The following JAKMIP3 variants were observed in gnomAD, a reference collection of about 807,000 sequenced individuals.
JAKMIP3 encodes Janus kinase and microtubule interacting protein 3.
A neutral mutation model predicts 118.5 loss-of-function variants in JAKMIP3; 58 were observed. That is an observed-to-expected ratio of 0.49 (90% CI 0.40 to 0.61). JAKMIP3 has a LOEUF of 0.61. Among genes scored for constraint, JAKMIP3 ranks in the 20% least tolerant of loss-of-function variants. The probability of loss-of-function intolerance (pLI) is 0.00; values close to 1 mark genes in which losing one functional copy is unlikely to be tolerated. For missense variants in JAKMIP3, 950 were observed against 1,109.0 expected, an observed-to-expected ratio of 0.86 and a Z score of 2.04; for synonymous variants, 486 against 451.2, an observed-to-expected ratio of 1.08 and a Z score of -0.98.
chr10:132,042,699 T>C (rs961562441), intron 1 of JAKMIP3, among the ~76,000 whole-genome samples: 7 of 152,146 alleles, frequency 4.6e-5, no homozygotes, highest in African/African-American at 1.7e-4. Flanking sequence ...GGAGAGCCCG[T>C]CTGTTCCTTT....
chr10:132,181,573 A>C (rs1426364122), intron 23 of JAKMIP3: 1 of 152,246 alleles, frequency 6.6e-6, no homozygotes, highest in Non-Finnish European at 1.5e-5. Context: ...GATTAAAGGC[A>C]CAAAGAACAA....
chr10:132,142,477 TGCCCCG>T (rs537968587), intron 11 of JAKMIP3, among the ~76,000 whole-genome samples: 1,811 of 142,120 alleles, frequency 0.013, 24 homozygotes, highest in African/African-American at 0.024. Flanking sequence ...AGGCTGTGCC[TGCCCCG>T]GCCCCGGCCC....
chr10:132,126,574 C>A (rs940491236), intron 3 of JAKMIP3, among the ~76,000 whole-genome samples: 3 of 100,404 alleles, frequency 3.0e-5, no homozygotes, highest in African/African-American at 1.1e-4. Context: ...CAGGTGTGAG[C>A]CATTGCACTC....
At chr10:132,115,399 A>G (rs563407540) in intron 2 of JAKMIP3, among the ~76,000 whole-genome samples, 1 of 152,342 alleles carries the variant, frequency 6.6e-6, no homozygotes, top group African/African-American at 2.4e-5. Flanking sequence ...AGCGGCCCAG[A>G]GGAGGCCTCC....
At chr10:132,176,889 T>G (rs1043650127) in intron 23 of JAKMIP3, among the ~76,000 whole-genome samples, 4 of 152,084 alleles carry the variant, frequency 2.6e-5, no homozygotes, top group Admixed American at 2.6e-4. Context: ...CATTAGGAGT[T>G]GGAATCTTCG....
At chr10:132,167,086 G>C in intron 22 of JAKMIP3, 31 bp downstream of exon 22, 2 of 1,466,070 alleles carry the variant, frequency 1.4e-6, no homozygotes, top group Non-Finnish European at 1.9e-6. Flanking sequence ...GCCCAGCAGG[G>C]GTCCCGCTCT....
intron 1 of JAKMIP3, among the ~76,000 whole-genome samples, chr10:132,037,048 C>T (rs945118037): frequency 2.8e-4 from 43 of 152,196 alleles, no homozygotes; most frequent in African/African-American, 1.0e-3. Context: ...CCCGCATCTC[C>T]GTGTCTCCGA....
At position 132,183,248 on chromosome 10, in the gene JAKMIP3, G is replaced by GT. The variant is rs1338579254; in HGVS notation, c.*1996dup. The stretch of plus-strand genomic sequence containing the variant: ...CGATGCAGGCATCCAGAAATATGTT[G>GT]TAACTCTACCTGGCTCCCTGCCAGC... On this transcript the variant is annotated 3_prime_UTR_variant, in exon 24 of 24. Coordinates refer to ENST00000684848, the MANE Select transcript of JAKMIP3 (RefSeq NM_001323087.2). The GT allele has an allele frequency of 6.6e-6, 1 of 152,236 alleles. No individual in the cohort carries two copies. Among genetic ancestry groups the GT allele is most frequent in the Admixed American group, 6.5e-5 (1 of 15,274 alleles). 9.4% of individuals were successfully genotyped at this position (152,236 alleles called of 1,614,324 possible). A position where few individuals can be genotyped will look rare whatever the true frequency, so the allele number is the denominator to read the frequency against.
rs1164389668 is a variant in JAKMIP3, at chr10:132,117,406, G to A, written c.465G>A (p.Gln155=). 1 of 1,614,034 alleles carries A rather than the reference G, an allele frequency of 6.2e-7. No homozygotes were observed. The highest frequency in any genetic ancestry group is 1.7e-5 in the Admixed American group (1 of 60,032). The change falls in exon 3 of 24, where the codon CAG becomes CAA. Residue 155 remains glutamine, a synonymous_variant. Transcript: ENST00000684848. The surrounding 1 kb of genome is among the most constrained non-coding windows in gnomAD (Gnocchi z 8.6). Reference sequence around the variant, plus strand: ...TCGAGGTGGAGAAGGTCAAGATGCAGCAGGAGATCTCCGAGCTCAAGGGCG... The same window carrying A: ...TCGAGGTGGAGAAGGTCAAGATGCAACAGGAGATCTCCGAGCTCAAGGGCG... ...KGFEVEKVKM[Q]QEISELKGAK...
At chr10:132,131,326 G>A (rs1044452745) in intron 3 of JAKMIP3, among the ~76,000 whole-genome samples, 3 of 151,106 alleles carry the variant, frequency 2.0e-5, no homozygotes, top group African/African-American at 7.3e-5. Context: ...GTGTGTGGGG[G>A]CTTGAGAGAC....
chr10:132,104,035 T>C (rs1308529840), intron 1 of JAKMIP3, among the ~76,000 whole-genome samples: 1 of 152,214 alleles, frequency 6.6e-6, no homozygotes, highest in African/African-American at 2.4e-5. Flanking sequence ...GGGATCCTCC[T>C]GTCATAGCGT....
intron 1 of JAKMIP3, among the ~76,000 whole-genome samples, chr10:132,081,651 C>T (rs554557575): frequency 7.9e-5 from 12 of 152,098 alleles, no homozygotes; most frequent in African/African-American, 1.9e-4. Flanking sequence ...CGGTTGCCTC[C>T]GTTATTCTTG....
At chr10:132,046,484 G>T (rs1367745851) in intron 1 of JAKMIP3, among the ~76,000 whole-genome samples, 1 of 151,824 alleles carries the variant, frequency 6.6e-6, no homozygotes, top group African/African-American at 2.4e-5. Context: ...ACCATCCAGG[G>T]CGTCCACTTT....
At chr10:132,167,780 T>A (rs990700310) in intron 22 of JAKMIP3, among the ~76,000 whole-genome samples, 173 bp from the exon 23 acceptor site, 1 of 149,774 alleles carries the variant, frequency 6.7e-6, no homozygotes, top group Admixed American at 6.6e-5. Flanking sequence ...CTCCCTGACA[T>A]CCTCTCCACG....
At chr10:132,151,047 C>T (rs1429602427) in intron 16 of JAKMIP3, among the ~76,000 whole-genome samples, 2 of 152,062 alleles carry the variant, frequency 1.3e-5, no homozygotes, top group Non-Finnish European at 2.9e-5. Flanking sequence ...ATCTACCATC[C>T]TCTACCCATT....
intron 1 of JAKMIP3, among the ~76,000 whole-genome samples, chr10:132,067,423 CCTTA>C (rs1205718880): frequency 1.3e-5 from 2 of 152,172 alleles, no homozygotes; most frequent in African/African-American, 4.8e-5. Context: ...CCTGGGAAGG[CCTTA>C]CTACTTTAGG....
intron 10 of JAKMIP3, among the ~76,000 whole-genome samples, chr10:132,141,693 G>A (rs990111067): frequency 7.2e-5 from 11 of 152,096 alleles, no homozygotes; most frequent in Non-Finnish European, 1.6e-4. Flanking sequence ...CCCAGGGCTC[G>A]GTGCTCCCCT....
At chr10:132,148,528 C>G (rs555601574) in intron 14 of JAKMIP3, among the ~76,000 whole-genome samples, 72 of 152,062 alleles carry the variant, frequency 4.7e-4, no homozygotes, top group Non-Finnish European at 9.0e-4. Context: ...CGCCCGTCCT[C>G]CATCCGCCCC....
chr10:132,160,143 C>T (rs1463076624), intron 19 of JAKMIP3, among the ~76,000 whole-genome samples: 1 of 54,354 alleles, frequency 1.8e-5, no homozygotes, highest in Non-Finnish European at 3.9e-5. Flanking sequence ...GGGGGGGTCT[C>T]TTCCTGTGTG....
Sources: gnomAD v4.1 joint callset for allele counts (sites outside exome capture counted in the v4.1 genomes callset) on GRCh38, gnomAD v4.1.1 for gene constraint, Gnocchi (gnomAD v3.1) non-coding constraint, MANE v1.5 for transcripts, NCBI Gene and HGNC (gene_info 2026-07-23, HGNC 2026-07-21) for gene names.